The following ULK4 variants were observed in gnomAD, a reference collection of about 807,000 sequenced individuals.
ULK4 encodes the protein inactive serine/threonine-protein kinase ULK4.
Under a neutral mutation model 160.6 loss-of-function variants are expected in ULK4, and 133 were observed. That is an observed-to-expected ratio of 0.83 (90% CI 0.72 to 0.96). ULK4 has a LOEUF of 0.96. Among genes scored for constraint, ULK4 ranks in the 40% least tolerant of loss-of-function variants. The pLI is 0.00. For synonymous variants in ULK4, 534 were observed against 539.8 expected, an observed-to-expected ratio of 0.99 and a Z score of 0.15; for missense variants, 1,580 against 1,499.5, an observed-to-expected ratio of 1.05 and a Z score of -0.89.
intron 34 of ULK4, among the ~76,000 whole-genome samples, chr3:41,412,170 T>G (rs1480191941): frequency 6.6e-6 from 1 of 152,120 alleles, no homozygotes; most frequent in African/African-American, 2.4e-5. Flanking sequence ...GATATTGAAA[T>G]TAAAACAATA....
chr3:41,355,521 T>G (rs532723704), intron 35 of ULK4, among the ~76,000 whole-genome samples: 1 of 152,228 alleles, frequency 6.6e-6, no homozygotes, highest in Non-Finnish European at 1.5e-5. Context: ...TAATCAACTT[T>G]CTTATTGTAA....
chr3:41,883,458 C>T (rs1697596105), intron 17 of ULK4, among the ~76,000 whole-genome samples: 3 of 152,248 alleles, frequency 2.0e-5, no homozygotes, highest in South Asian at 2.1e-4. Context: ...CATACGTTAA[C>T]GGAATAGGTA....
At chr3:41,686,851 A>G (rs954592705) in intron 27 of ULK4, among the ~76,000 whole-genome samples, 1 of 152,188 alleles carries the variant, frequency 6.6e-6, no homozygotes, top group Admixed American at 6.5e-5. Context: ...TTTTTAAAAA[A>G]ATATTTTTAT....
chr3:41,690,171 C>G (rs1417524038), intron 27 of ULK4, among the ~76,000 whole-genome samples: 11 of 148,836 alleles, frequency 7.4e-5, no homozygotes, highest in African/African-American at 2.0e-4. Flanking sequence ...AATCATCATT[C>G]TCAGTAAACT....
At chr3:41,919,973 T>A (rs1054175320) in intron 5 of ULK4, among the ~76,000 whole-genome samples, 155 bp from the exon 6 acceptor site, 1 of 152,160 alleles carries the variant, frequency 6.6e-6, no homozygotes, top group Admixed American at 6.5e-5. Flanking sequence ...AAATGTTTTC[T>A]AATTTTAAGG....
chr3:41,949,733 C>CT (rs201654761), intron 2 of ULK4, among the ~76,000 whole-genome samples: 141 of 145,624 alleles, frequency 9.7e-4, no homozygotes, highest in African/African-American at 2.1e-3. Context: ...CCACACCTGC[C>CT]TTTTTTTTTT....
At chr3:41,894,443 T>A (rs1698083236) in intron 16 of ULK4, among the ~76,000 whole-genome samples, 1 of 152,178 alleles carries the variant, frequency 6.6e-6, no homozygotes, top group African/African-American at 2.4e-5. Flanking sequence ...CATAGAAGAA[T>A]AATTATTATC....
At chr3:41,496,127 G>A (rs2125912109) in intron 32 of ULK4, among the ~76,000 whole-genome samples, 1 of 152,068 alleles carries the variant, frequency 6.6e-6, no homozygotes, top group South Asian at 2.1e-4. Flanking sequence ...TCACCTATTT[G>A]TAAAAAATAC....
chr3:41,917,231 T>C (rs1389436678), intron 7 of ULK4, among the ~76,000 whole-genome samples: 1 of 152,134 alleles, frequency 6.6e-6, no homozygotes, highest in Non-Finnish European at 1.5e-5. Context: ...TGGCCACACA[T>C]TGTGGCTCAT....
At chr3:41,728,108 T>C (rs1288423005) in intron 22 of ULK4, among the ~76,000 whole-genome samples, 1 of 152,138 alleles carries the variant, frequency 6.6e-6, no homozygotes, top group Non-Finnish European at 1.5e-5. Context: ...AGTTGGTATG[T>C]GAGTGTGAGT....
chr3:41,285,759 C>A (rs994276636), intron 35 of ULK4, among the ~76,000 whole-genome samples: 5 of 152,128 alleles, frequency 3.3e-5, no homozygotes, highest in African/African-American at 1.2e-4. Flanking sequence ...CAAAATAAAA[C>A]AATGGCAAAA....
At chr3:41,902,506 A>G (rs1250614238) in intron 12 of ULK4, among the ~76,000 whole-genome samples, 1 of 146,150 alleles carries the variant, frequency 6.8e-6, no homozygotes, top group Non-Finnish European at 1.5e-5. Flanking sequence ...TGAACCTGGG[A>G]GGCGGAGGTT....
At chr3:41,272,337 T>C (rs2079151323) in intron 35 of ULK4, among the ~76,000 whole-genome samples, 1 of 145,008 alleles carries the variant, frequency 6.9e-6, no homozygotes. Flanking sequence ...GCTTTCAATT[T>C]TGAAAGTTTT....
chr3:41,581,841 C>A (rs1194206724), intron 31 of ULK4, among the ~76,000 whole-genome samples: 1 of 152,152 alleles, frequency 6.6e-6, no homozygotes, highest in Non-Finnish European at 1.5e-5. Context: ...GCCAGAAGAA[C>A]CAGCAGACTC....
At chr3:41,792,365 G>C (rs1182941531) in intron 20 of ULK4, among the ~76,000 whole-genome samples, 1 of 151,970 alleles carries the variant, frequency 6.6e-6, no homozygotes, top group African/African-American at 2.4e-5. Flanking sequence ...TGCTGTTTAT[G>C]AAATCAAACA....
At chr3:41,580,382 T>A (rs767733192) in intron 31 of ULK4, among the ~76,000 whole-genome samples, 3 of 152,068 alleles carry the variant, frequency 2.0e-5, no homozygotes, top group Admixed American at 6.6e-5. Flanking sequence ...ATTTATTTTT[T>A]TTTTTTTAAA....
At chr3:41,772,096 C>G (rs141161932) in intron 21 of ULK4, among the ~76,000 whole-genome samples, 1 of 152,090 alleles carries the variant, frequency 6.6e-6, no homozygotes, top group Admixed American at 6.6e-5. Flanking sequence ...GTTTATAGCT[C>G]TAAATGCCCA....
intron 35 of ULK4, among the ~76,000 whole-genome samples, chr3:41,255,363 AT>A (rs1316430322): frequency 2.0e-5 from 3 of 152,116 alleles, no homozygotes; most frequent in Admixed American, 6.5e-5. Context: ...CAAGCCTATA[AT>A]CCCAGCTACT....
intron 31 of ULK4, among the ~76,000 whole-genome samples, chr3:41,576,516 A>G (rs1400079147): frequency 6.6e-6 from 1 of 152,212 alleles, no homozygotes; most frequent in Non-Finnish European, 1.5e-5. Flanking sequence ...TTGCTTGGGT[A>G]AATACAGCTG....
Sources: allele counts gnomAD v4.1 joint callset (sites outside exome capture counted in the v4.1 genomes callset), GRCh38; gene constraint gnomAD v4.1.1; transcripts MANE v1.5; gene names NCBI Gene and HGNC (gene_info 2026-07-23, HGNC 2026-07-21).